Variants in XKR4 observed in about 807,000 individuals in gnomAD.
XKR4 encodes XK related 4, also known as XK-related protein 4.
XKR4 carries 12 observed loss-of-function variants against 53.9 expected under a neutral mutation model. The ratio of observed to expected loss-of-function variants is 0.22; its 90% CI spans 0.14 to 0.36. The LOEUF (loss-of-function observed/expected upper bound fraction) is 0.36, where lower values mean the gene tolerates loss of function less well. Among genes scored for constraint, XKR4 ranks in the 10% least tolerant of loss-of-function variants. The pLI is 1.00. For synonymous variants in XKR4, 354 were observed against 362.4 expected (o/e 0.98, Z 0.26); for missense variants, 799 against 859.5 (o/e 0.93, Z 0.88).
chr8:55,512,710 T>TG (rs1345667174), intron 2 of XKR4, among the ~76,000 whole-genome samples: 5 of 151,872 alleles, frequency 3.3e-5, no homozygotes, highest in Non-Finnish European at 5.9e-5. Flanking sequence ...GAGGAAAAAG[T>TG]GGGGAGGATA....
At chr8:55,520,755 A>G (rs1311343816) in intron 2 of XKR4, among the ~76,000 whole-genome samples, 1 of 152,220 alleles carries the variant, frequency 6.6e-6, no homozygotes, top group Admixed American at 6.5e-5. Flanking sequence ...CTACGGCTAC[A>G]GTATCATCTT....
chr8:55,311,848 A>AG (rs1240384245), intron 1 of XKR4, among the ~76,000 whole-genome samples: 31 of 145,296 alleles, frequency 2.1e-4, no homozygotes, highest in Non-Finnish European at 3.2e-4. Context: ...AAAAAAAAAA[A>AG]AAAGAAAAGA....
chr8:55,161,620 C>A (rs938433118), intron 1 of XKR4: 11 of 456,204 alleles, frequency 2.4e-5, no homozygotes, highest in Non-Finnish European at 4.4e-5. Context: ...GTAGTACCAA[C>A]TTCTAATGTT....
At chr8:55,433,461 C>G (rs1262366808) in intron 2 of XKR4, among the ~76,000 whole-genome samples, 1 of 152,142 alleles carries the variant, frequency 6.6e-6, no homozygotes, top group Non-Finnish European at 1.5e-5. Flanking sequence ...TTTTTATACT[C>G]TCATTTTCAA....
chr8:55,164,482 C>T lies in XKR4; in HGVS notation c.806+61188C>T, dbSNP rs941141751. Reference sequence around the variant, plus strand: ...AAGTAGTCTACCTGGGTATTCTCCACAGCTGCAAGCTCAATGTCCTGAGCT... The same window carrying T: ...AAGTAGTCTACCTGGGTATTCTCCATAGCTGCAAGCTCAATGTCCTGAGCT... On this transcript the variant is annotated intron_variant, in intron 1 of 2. Transcript: ENST00000327381. 10 of 455,526 alleles carry T rather than the reference C, an allele frequency of 2.2e-5. No homozygotes were observed. The Admixed American group carries it at 2.4e-4, about 11-fold the overall frequency. The allele number at this position is 455,526 out of a possible 1,614,324, so 28.2% of individuals were successfully genotyped here. A position where few individuals can be genotyped will look rare whatever the true frequency, so the allele number is the denominator to read the frequency against.
rs1230159157 is a variant in XKR4, at chr8:55,526,364, T to C, written c.*2137T>C. The C allele has an allele frequency of 1.3e-5, 2 of 152,152 alleles. No homozygotes were observed. The highest frequency in any genetic ancestry group is 4.8e-5 in the African/African-American group (2 of 41,444). The allele number at this position is 152,152 out of a possible 1,614,324, so 9.4% of individuals were successfully genotyped here. A position where few individuals can be genotyped will look rare whatever the true frequency, so the allele number is the denominator to read the frequency against. ...AATTTTTTTAAAAAATAGACAATTTTTATAAGTAGACATACTTCCTAGTAC... is the reference window on the plus strand; with the variant it reads ...AATTTTTTTAAAAAATAGACAATTTCTATAAGTAGACATACTTCCTAGTAC... On this transcript the variant is annotated 3_prime_UTR_variant, in exon 3 of 3. Coordinates refer to ENST00000327381, the MANE Select transcript of XKR4 (RefSeq NM_052898.2).
chr8:55,443,498 CTGTT>C (rs1296062256), intron 2 of XKR4, among the ~76,000 whole-genome samples: 1 of 93,970 alleles, frequency 1.1e-5, no homozygotes, highest in Admixed American at 1.4e-4. Flanking sequence ...AGAAACAATA[CTGTT>C]TGTTTGTAGA....
intron 1 of XKR4, among the ~76,000 whole-genome samples, chr8:55,232,424 C>T (rs559563544): frequency 1.4e-4 from 21 of 152,270 alleles, no homozygotes; most frequent in African/African-American, 4.1e-4. Context: ...GCTTGGAAAG[C>T]GTGCAAAGAT....
chr8:55,197,630 G>A (rs1166194496), intron 1 of XKR4, among the ~76,000 whole-genome samples: 4 of 150,042 alleles, frequency 2.7e-5, no homozygotes, highest in African/African-American at 4.9e-5. Flanking sequence ...TGCAACCTCC[G>A]CCTCCTGGGT....
chr8:55,528,426 T>C lies in XKR4; in HGVS notation c.*4199T>C, dbSNP rs1346531509. 2.0e-5 allele frequency: 3 copies of C among 152,252 alleles called. No homozygotes were observed. The highest frequency in any genetic ancestry group is 6.5e-5 in the Admixed American group (1 of 15,288). 9.4% of individuals were successfully genotyped at this position (152,252 alleles called of 1,614,324 possible). On this transcript the variant is annotated 3_prime_UTR_variant, in exon 3 of 3. Coordinates refer to ENST00000327381, the MANE Select transcript of XKR4 (RefSeq NM_052898.2). ...TTTTAAATATACCAAATGCCGTTGA[T>C]TGGAAACAAGTTCTGACACAATGTT... is the stretch of plus-strand genomic sequence containing the variant.
At chr8:55,276,336 T>C (rs561369667) in intron 1 of XKR4, among the ~76,000 whole-genome samples, 1 of 152,306 alleles carries the variant, frequency 6.6e-6, no homozygotes, top group Admixed American at 6.5e-5. Flanking sequence ...AAACAGCAGA[T>C]TTTGGACAAA....
chr8:55,453,832 C>T, intron 2 of XKR4: 1 of 497,942 alleles, frequency 2.0e-6, no homozygotes, highest in Non-Finnish European at 3.9e-6. Context: ...ACCTCTGTGC[C>T]ACATCGTGGG....
chr8:55,498,494 G>A (rs1436278571), intron 2 of XKR4, among the ~76,000 whole-genome samples: 1 of 152,164 alleles, frequency 6.6e-6, no homozygotes, highest in Non-Finnish European at 1.5e-5. Flanking sequence ...ACGGGGTGAT[G>A]CAGGGCCGGG....
chr8:55,345,721 T>A (rs572384926), intron 1 of XKR4, among the ~76,000 whole-genome samples: 1 of 152,206 alleles, frequency 6.6e-6, no homozygotes, highest in Non-Finnish European at 1.5e-5. Context: ...ACATGCACAC[T>A]CATTGCTTTG....
At chr8:55,119,194 A>G (rs1004793352) in intron 1 of XKR4, among the ~76,000 whole-genome samples, 4 of 152,170 alleles carry the variant, frequency 2.6e-5, no homozygotes, top group South Asian at 2.1e-4. Flanking sequence ...TGCCATTTAT[A>G]ACTGTTTATA....
chr8:55,191,493 G>A lies in XKR4; in HGVS notation c.806+88199G>A, dbSNP rs970722126. 2.9e-4 allele frequency among the ~76,000 whole-genome samples: 44 copies of A among 152,188 alleles called. 1 individual carries two copies. Among genetic ancestry groups the A allele is most frequent in the Admixed American group, 1.3e-3 (20 of 15,282 alleles). On this transcript the variant is annotated intron_variant, in intron 1 of 2. Coordinates refer to ENST00000327381, the MANE Select transcript of XKR4 (RefSeq NM_052898.2). ...TGACTTTTACTAAAGATCATGATCT[G>A]CTCTCTAATGATCTTCCCACTCTTC...
chr8:55,467,125 A>C (rs1805787160), intron 2 of XKR4, among the ~76,000 whole-genome samples: 1 of 152,118 alleles, frequency 6.6e-6, no homozygotes, highest in African/African-American at 2.4e-5. Context: ...GGCTGGCAGA[A>C]TGCAGGTCCC....
intron 1 of XKR4, among the ~76,000 whole-genome samples, chr8:55,340,884 G>A (rs1193348731): frequency 6.6e-6 from 1 of 152,140 alleles, no homozygotes; most frequent in Non-Finnish European, 1.5e-5. Context: ...AGCCTGCATG[G>A]GTCACACATG....
chr8:55,225,236 TAA>T (rs1264105922), intron 1 of XKR4, among the ~76,000 whole-genome samples: 2 of 152,246 alleles, frequency 1.3e-5, no homozygotes, highest in Non-Finnish European at 2.9e-5. Context: ...TGGTAGGATA[TAA>T]TGTTTCAATT....
Sources: gnomAD v4.1 joint callset for allele counts (sites outside exome capture counted in the v4.1 genomes callset) on GRCh38, gnomAD v4.1.1 for gene constraint, MANE v1.5 for transcripts, NCBI Gene and HGNC (gene_info 2026-07-23, HGNC 2026-07-21) for gene names.